The following ZNF713 variants were observed in gnomAD, a reference collection of about 807,000 sequenced individuals.
The protein encoded by ZNF713 is zinc finger protein 713.
In ZNF713, 21 loss-of-function variants were observed where a neutral mutation model predicts 28.7. The observed-to-expected ratio is 0.73, with a 90% CI of 0.52 to 1.05. ZNF713 has a LOEUF of 1.05. ZNF713 is among the 50% of genes least tolerant of loss of function. The pLI, the probability that ZNF713 is intolerant of heterozygous loss-of-function variation, is 0.00. For synonymous variants in ZNF713, 167 were observed against 178.0 expected, an observed-to-expected ratio of 0.94 and a Z score of 0.49; for missense variants, 458 against 532.4, an observed-to-expected ratio of 0.86 and a Z score of 1.37.
chr7:55,925,710 C>T (rs530279113), intron 6 of ZNF713, among the ~76,000 whole-genome samples: 39 of 152,302 alleles, frequency 2.6e-4, no homozygotes, highest in Middle Eastern at 3.4e-3. Flanking sequence ...TTCACCTAAC[C>T]AGTGCTCACA....
chr7:55,905,397 A>G (rs1785660697), intron 1 of ZNF713, among the ~76,000 whole-genome samples: 1 of 152,100 alleles, frequency 6.6e-6, no homozygotes, highest in Non-Finnish European at 1.5e-5. Context: ...TAGTGTGTCT[A>G]ATGCACAGCT....
At chr7:55,937,755 A>G (rs1584321861) in intron 6 of ZNF713, among the ~76,000 whole-genome samples, 3 of 151,918 alleles carry the variant, frequency 2.0e-5, no homozygotes, top group Non-Finnish European at 2.9e-5. Flanking sequence ...AAAAATCAAA[A>G]TATTAGTCAG....
chr7:55,892,934 G>C (rs896345528), intron 1 of ZNF713, among the ~76,000 whole-genome samples: 19 of 151,070 alleles, frequency 1.3e-4, no homozygotes, highest in African/African-American at 4.6e-4. Context: ...CCAGGCTGGA[G>C]TGCAGTGGTG....
chr7:55,912,424 A>T (rs1562740965), intron 3 of ZNF713, among the ~76,000 whole-genome samples: 1 of 152,178 alleles, frequency 6.6e-6, no homozygotes, highest in South Asian at 2.1e-4. Context: ...CTATGCCACA[A>T]CAAGGGGAGT....
At chr7:55,894,935 G>A (rs903763544) in intron 1 of ZNF713, among the ~76,000 whole-genome samples, 6 of 152,154 alleles carry the variant, frequency 3.9e-5, no homozygotes, top group Non-Finnish European at 4.4e-5. Context: ...GCCTGTGTGT[G>A]TATACATGGA....
chr7:55,920,959 G>A (rs756401844), intron 4 of ZNF713, among the ~76,000 whole-genome samples: 3 of 152,080 alleles, frequency 2.0e-5, no homozygotes, highest in Non-Finnish European at 4.4e-5. Context: ...GTCAACTCAT[G>A]GCTTCAGAAG....
At chr7:55,924,258 T>G (rs944655958) in intron 6 of ZNF713, 2 of 152,278 alleles carry the variant, frequency 1.3e-5, no homozygotes, top group Non-Finnish European at 2.9e-5. Flanking sequence ...CTACTAACAT[T>G]GTTTTCTTGG....
intron 4 of ZNF713, among the ~76,000 whole-genome samples, chr7:55,919,509 T>TTTG (rs1785949769): frequency 1.2e-5 from 1 of 85,316 alleles, no homozygotes; most frequent in African/African-American, 4.9e-5. Context: ...TTTTTTTTTT[T>TTTG]TTTTTTTTTT....
chr7:55,926,352 A>G (rs1432841500), intron 6 of ZNF713, among the ~76,000 whole-genome samples: 2 of 152,172 alleles, frequency 1.3e-5, no homozygotes, highest in African/African-American at 2.4e-5. Flanking sequence ...TTGTGCATCT[A>G]TATGTGGATG....
chr7:55,909,148 G>A (rs892981345), intron 2 of ZNF713, among the ~76,000 whole-genome samples: 4 of 141,384 alleles, frequency 2.8e-5, no homozygotes, highest in East Asian at 4.1e-4. Flanking sequence ...GCAGTGAGCC[G>A]AGATCACGCC....
intron 2 of ZNF713, among the ~76,000 whole-genome samples, chr7:55,909,113 C>T (rs754124191): frequency 2.7e-5 from 4 of 149,454 alleles, no homozygotes; most frequent in East Asian, 2.0e-4. Flanking sequence ...CAGGAGAAAT[C>T]GCTTGAACCA....
intron 6 of ZNF713, among the ~76,000 whole-genome samples, chr7:55,927,405 C>T (rs888921746): frequency 1.3e-5 from 2 of 151,720 alleles, no homozygotes; most frequent in Non-Finnish European, 2.9e-5. Context: ...AGCCTGTAGT[C>T]TCTGCTACTT....
rs760613862 is a variant in ZNF713 at position 55,923,598 on chromosome 7, T to TACATACATCCCAAA, written c.215-9_215-8insACATACATCCCAAA. 1.9e-6 allele frequency: 3 copies of TACATACATCCCAAA among 1,585,526 alleles called. No homozygotes were observed. The highest frequency in any genetic ancestry group is 2.6e-6 in the Non-Finnish European group (3 of 1,164,190). ...AAACTCCTAAGATGTATGTTACTCCTGTGAATAGGGTATCAGCTTTGTAAG... is the reference window on the plus strand; with the variant it reads ...AAACTCCTAAGATGTATGTTACTCCTACATACATCCCAAAGTGAATAGGGTATCAGCTTTGTAAG... On this transcript the variant is annotated splice_polypyrimidine_tract_variant and intron_variant, in intron 5 of 6. Transcript: ENST00000429591.
At chr7:55,932,753 G>A (rs1425353567) in intron 6 of ZNF713, among the ~76,000 whole-genome samples, 4 of 147,468 alleles carry the variant, frequency 2.7e-5, no homozygotes, top group African/African-American at 1.0e-4. Context: ...GCGCAGTGGC[G>A]GGCGCCTGTA....
intron 4 of ZNF713, among the ~76,000 whole-genome samples, chr7:55,914,253 A>C (rs1239015243): frequency 6.6e-6 from 1 of 152,174 alleles, no homozygotes; most frequent in African/African-American, 2.4e-5. Flanking sequence ...TTAACACATC[A>C]GATACCGGTC....
At chr7:55,938,912 A>T in intron 6 of ZNF713, 70 bp from the exon 7 acceptor site, 1 of 1,462,184 alleles carries the variant, frequency 6.8e-7, no homozygotes, top group African/African-American at 1.4e-5. Context: ...GCTGTGCAAC[A>T]ATTTCTTTTT....
At chr7:55,895,255 T>G (rs1339884032) in intron 1 of ZNF713, among the ~76,000 whole-genome samples, 1 of 152,032 alleles carries the variant, frequency 6.6e-6, no homozygotes, top group Non-Finnish European at 1.5e-5. Flanking sequence ...CATGAGATAC[T>G]GAAGGGAATA....
chr7:55,921,392 G>T (rs770315792), intron 4 of ZNF713, among the ~76,000 whole-genome samples: 1 of 152,178 alleles, frequency 6.6e-6, no homozygotes, highest in African/African-American at 2.4e-5. Flanking sequence ...TCTAGCTGCC[G>T]TAGATAGTGA....
At chr7:55,910,186 T>C (rs1431670262) in intron 2 of ZNF713, among the ~76,000 whole-genome samples, 2 of 152,010 alleles carry the variant, frequency 1.3e-5, no homozygotes, top group African/African-American at 4.8e-5. Flanking sequence ...TTTACTGAAG[T>C]CATTTATCAA....
Sources: gnomAD v4.1 joint callset for allele counts (sites outside exome capture counted in the v4.1 genomes callset) on GRCh38, gnomAD v4.1.1 for gene constraint, MANE v1.5 for transcripts, NCBI Gene and HGNC (gene_info 2026-07-23, HGNC 2026-07-21) for gene names.